DDI2: variants seen among roughly 807,000 people sequenced by gnomAD.
The protein encoded by DDI2 is DDI proteasomal shuttling factor 2, also known as protein DDI1 homolog 2.
In DDI2, 5 loss-of-function variants were observed where a neutral mutation model predicts 48.1. That is an observed-to-expected ratio of 0.10 (90% CI 0.05 to 0.22). DDI2 has a LOEUF of 0.22. Ranked by LOEUF, DDI2 falls within the 10% of genes least tolerant of loss-of-function variation. The pLI is 1.00. For missense variants in DDI2, 285 were observed against 506.2 expected (o/e 0.56, Z 4.19); for synonymous variants, 205 against 183.6 (o/e 1.12, Z -0.94).
intron 2 of DDI2, chr1:15,627,028 G>C (rs991403013): frequency 2.3e-5 from 12 of 532,208 alleles, no homozygotes; most frequent in African/African-American, 1.1e-4. Flanking sequence ...CTGACGTGAG[G>C]CTAATGCATG....
chr1:15,624,215 G>A (rs1186405271), intron 1 of DDI2, among the ~76,000 whole-genome samples: 4 of 152,172 alleles, frequency 2.6e-5, no homozygotes. Flanking sequence ...GTAAGAGCCT[G>A]CCTACCTGCC....
At chr1:15,625,569 T>C (rs1464480746) in intron 1 of DDI2, among the ~76,000 whole-genome samples, 1 of 152,214 alleles carries the variant, frequency 6.6e-6, no homozygotes, top group Non-Finnish European at 1.5e-5. Flanking sequence ...CTAATTCTTT[T>C]TTCCACTTGT....
rs201848262 is a variant in DDI2 at position 15,660,362 on chromosome 1, C to G, written c.*572C>G. The stretch of plus-strand genomic sequence containing the variant: ...CAGAACCTGAGTCAAGTGAGTGACC[C>G]TCAGCAGCACGAAGAACCAGGGAAT... On this transcript the variant is annotated 3_prime_UTR_variant, in exon 10 of 10. Transcript: ENST00000480945. The G allele has an allele frequency of 2.7e-5, 43 of 1,614,004 alleles. No individual in the cohort carries two copies. In the East Asian group the frequency reaches 9.6e-4, roughly 36 times the overall value.
At position 15,655,283 on chromosome 1, in the gene DDI2, G is replaced by A. The variant is rs190236523; in HGVS notation, c.1184-1334G>A. On this transcript the variant is annotated intron_variant, in intron 8 of 9. Transcript: ENST00000480945. ...GAACATCGACTTCCTAATATCATCC[G>A]AATAAATACTCTGGACATAGTAGGT... 1.1e-3 allele frequency among the ~76,000 whole-genome samples: 174 copies of A among 152,116 alleles called. 1 individual carries two copies. Among genetic ancestry groups the A allele is most frequent in the African/African-American group, 4.0e-3 (164 of 41,492 alleles).
chr1:15,649,683 A>G (rs1476482208), intron 6 of DDI2, 37 bp from the exon 7 acceptor site: 1 of 1,594,170 alleles, frequency 6.3e-7, no homozygotes, highest in East Asian at 2.3e-5. Context: ...GTTTTGAAGT[A>G]CGTAACAATA....
At chr1:15,626,979 C>T (rs1011339350) in intron 2 of DDI2, 181 bp downstream of exon 2, 6 of 768,800 alleles carry the variant, frequency 7.8e-6, no homozygotes, top group South Asian at 2.0e-5. Flanking sequence ...GTTTCCTCTT[C>T]TATAAGTTAG....
chr1:15,659,977 G>T lies in DDI2; in HGVS notation c.*187G>T, dbSNP rs749741150. 3 of 1,614,168 alleles carry T rather than the reference G, an allele frequency of 1.9e-6. No individual in the cohort carries two copies. The highest frequency in any genetic ancestry group is 2.5e-6 in the Non-Finnish European group (3 of 1,180,018). On this transcript the variant is annotated 3_prime_UTR_variant, in exon 10 of 10. Coordinates refer to ENST00000480945, the MANE Select transcript of DDI2 (RefSeq NM_032341.5). ...TCTTGCTCGCTCTGTCTCTGCTTCAGTCTGCCCTATCAAGCCCAGTGACTC... is the reference window on the plus strand; with the variant it reads ...TCTTGCTCGCTCTGTCTCTGCTTCATTCTGCCCTATCAAGCCCAGTGACTC...
chr1:15,643,462 T>A (rs1475846787), intron 5 of DDI2, 60 bp from the exon 6 acceptor site: 1 of 1,594,654 alleles, frequency 6.3e-7, no homozygotes, highest in East Asian at 2.2e-5. Flanking sequence ...GTGCTATATT[T>A]TGAGTCTTCT....
chr1:15,647,903 G>T (rs949463645), intron 6 of DDI2, among the ~76,000 whole-genome samples: 1 of 152,190 alleles, frequency 6.6e-6, no homozygotes, highest in Non-Finnish European at 1.5e-5. Context: ...GGCAAAGGTT[G>T]CAGTGAGCCG....
rs1351132781 is a variant in DDI2 at position 15,661,618 on chromosome 1, G to A, written c.*1828G>A. The A allele has an allele frequency of 6.2e-7, 1 of 1,613,902 alleles. No homozygotes were observed. Among genetic ancestry groups the A allele is most frequent in the African/African-American group, 1.3e-5 (1 of 74,902 alleles). On this transcript the variant is annotated 3_prime_UTR_variant, in exon 10 of 10. Transcript: ENST00000480945. Reference sequence around the variant, plus strand: ...AGATATTGACCGCATTCTCCGTGCTGGCTTTACTTTGCAGGAAGCTCTTGG... The same window carrying A: ...AGATATTGACCGCATTCTCCGTGCTAGCTTTACTTTGCAGGAAGCTCTTGG...
intron 8 of DDI2, 29 bp downstream of exon 8, chr1:15,651,924 C>T: frequency 3.8e-6 from 6 of 1,599,958 alleles, no homozygotes; most frequent in Non-Finnish European, 5.1e-6. Context: ...CTCTTCAATA[C>T]TTGTTATTGA....
chr1:15,630,619 T>C, intron 3 of DDI2, 58 bp downstream of exon 3: 1 of 1,210,816 alleles, frequency 8.3e-7, no homozygotes. Context: ...AGCTGTGTCA[T>C]AGCAAATGTG....
Position 15,656,811 on chromosome 1 carries a change from C to T in DDI2, c.*46+132C>T, listed in dbSNP as rs953462398. On this transcript the variant is annotated intron_variant, in intron 9 of 9. Coordinates refer to ENST00000480945, the MANE Select transcript of DDI2 (RefSeq NM_032341.5). ...CCTTGTTCAATCTGGTTACAACTAG[C>T]CTATATGCATTTGTATTTTGGCATG... 7.2e-6 allele frequency: 9 copies of T among 1,247,718 alleles called. No homozygotes were observed. The African/African-American group carries it at 1.4e-4, about 19-fold the overall frequency. The allele number at this position is 1,247,718 out of a possible 1,614,324, so 77.3% of individuals were successfully genotyped here.
chr1:15,661,260 G>A lies in DDI2; in HGVS notation c.*1470G>A, dbSNP rs757186434. 2 of 1,614,068 alleles carry A rather than the reference G, an allele frequency of 1.2e-6. No individual in the cohort carries two copies. Among genetic ancestry groups the A allele is most frequent in the Admixed American group, 1.7e-5 (1 of 60,008 alleles). ...ATAAGGAAGGTGTCCCCAAATCTAG[G>A]GAATCCATAAATAAGAACCGTTCTG... On this transcript the variant is annotated 3_prime_UTR_variant, in exon 10 of 10. Coordinates refer to ENST00000480945, the MANE Select transcript of DDI2 (RefSeq NM_032341.5).
chr1:15,643,612 G>C lies in DDI2; in HGVS notation c.851G>C (p.Gly284Ala). The change falls in exon 6 of 10, where the codon GGA becomes GCA. Residue 284 changes from glycine (G) to alanine (A), a missense_variant. Gly to Ala is a moderately conservative substitution (Grantham distance 60). Transcript: ENST00000480945. ...CGTCGGTGGGCAGGGATTGCCAAAG[G>C]AGTGGGCACCCAGAAGATTATTGGA... ...VDRRWAGIAKGVGTQKIIGRV... is the reference protein window; with the variant it reads ...VDRRWAGIAKAVGTQKIIGRV... 1 of 1,614,160 alleles carries C rather than the reference G, an allele frequency of 6.2e-7. No homozygotes were observed. The highest frequency in any genetic ancestry group is 8.5e-7 in the Non-Finnish European group (1 of 1,180,028).
In DDI2 at chr1:15,617,461, C is replaced by T. The variant is rs1202229711; in HGVS notation, c.-210C>T. The T allele has an allele frequency of 1.2e-5, 4 of 322,632 alleles. No individual in the cohort carries two copies. Among genetic ancestry groups the T allele is most frequent in the East Asian group, 5.1e-5 (1 of 19,616 alleles). The allele number at this position is 322,632 out of a possible 1,614,324, so 20.0% of individuals were successfully genotyped here. ...CGTGGGAGGCAGGCCGGCAGGCAGA[C>T]GGACTCGCAGGCGTGTGGCGGCGGC... On this transcript the variant is annotated 5_prime_UTR_variant, in exon 1 of 10. In the 5' UTR this introduces an upstream ATG that the reference lacks. Coordinates refer to ENST00000480945, the MANE Select transcript of DDI2 (RefSeq NM_032341.5).
At chr1:15,623,733 G>T (rs1639707357) in intron 1 of DDI2, among the ~76,000 whole-genome samples, 1 of 151,906 alleles carries the variant, frequency 6.6e-6, no homozygotes, top group African/African-American at 2.4e-5. Context: ...TCCTGAGTTT[G>T]CTTCCTCCTT....
In DDI2 at chr1:15,662,851, T is replaced by TA. The variant is rs1281095214; in HGVS notation, c.*3062dup. 1.3e-5 allele frequency: 2 copies of TA among 152,258 alleles called. No individual in the cohort carries two copies. Among genetic ancestry groups the TA allele is most frequent in the Non-Finnish European group, 2.9e-5 (2 of 68,048 alleles). 9.4% of individuals were successfully genotyped at this position (152,258 alleles called of 1,614,324 possible). On this transcript the variant is annotated 3_prime_UTR_variant, in exon 10 of 10. Coordinates refer to ENST00000480945, the MANE Select transcript of DDI2 (RefSeq NM_032341.5). ...CAGTTTCTGACTTAAGTGGCCTTGG[T>TA]AGAGTTTTCCATCCTTTTCTTTCCT...
At chr1:15,645,983 GAA>G (rs1266240654) in intron 6 of DDI2, among the ~76,000 whole-genome samples, 1 of 152,120 alleles carries the variant, frequency 6.6e-6, no homozygotes, top group Non-Finnish European at 1.5e-5. Flanking sequence ...TTGGGAGGGA[GAA>G]AAAGGCTGGC....
Sources: allele counts gnomAD v4.1 joint callset (sites outside exome capture counted in the v4.1 genomes callset), GRCh38; gene constraint gnomAD v4.1.1; transcripts MANE v1.5; gene names NCBI Gene and HGNC (gene_info 2026-07-23, HGNC 2026-07-21).